The following MECOM variants were observed in gnomAD, a reference collection of about 807,000 sequenced individuals.
MECOM encodes the protein histone-lysine N-methyltransferase MECOM.
MECOM carries 13 observed loss-of-function variants against 116.3 expected under a neutral mutation model. That is an observed-to-expected ratio of 0.11 (90% CI 0.07 to 0.18). The LOEUF (loss-of-function observed/expected upper bound fraction) is 0.18. Ranked by LOEUF, MECOM falls within the 10% of genes least tolerant of loss-of-function variation. MECOM has a pLI of 1.00. For synonymous variants in MECOM, 528 were observed against 535.2 expected (o/e 0.99, Z 0.19); for missense variants, 1,299 against 1,509.0 (o/e 0.86, Z 2.31).
chr3:169,179,685 T>C (rs1489392552), intron 2 of MECOM, among the ~76,000 whole-genome samples: 2 of 152,208 alleles, frequency 1.3e-5, no homozygotes. Context: ...ACTTGGCACC[T>C]CTTACAAGCT....
At chr3:169,378,454 A>AAAGAAAGC (rs1731575921) in intron 2 of MECOM, among the ~76,000 whole-genome samples, 1 of 54,514 alleles carries the variant, frequency 1.8e-5, no homozygotes, top group South Asian at 4.8e-4. Context: ...AGAAAGAAGG[A>AAAGAAAGC]AAGCAAGCAA....
chr3:169,428,038 G>A (rs893890173), intron 1 of MECOM, among the ~76,000 whole-genome samples: 4 of 152,194 alleles, frequency 2.6e-5, no homozygotes, highest in African/African-American at 9.6e-5. Flanking sequence ...AAAAGGCCAT[G>A]TCCTGGTGGC....
At chr3:169,126,890 A>T (rs1460952910) in intron 5 of MECOM, among the ~76,000 whole-genome samples, 1 of 152,134 alleles carries the variant, frequency 6.6e-6, no homozygotes, top group East Asian at 1.9e-4. Context: ...CAAAGACAAA[A>T]TCTGAGTAAT....
chr3:169,583,316 G>A (rs1436568009), intron 1 of MECOM, among the ~76,000 whole-genome samples: 4 of 152,042 alleles, frequency 2.6e-5, no homozygotes, highest in African/African-American at 7.2e-5. Flanking sequence ...TATATCCCTC[G>A]ATAACACTGA....
At chr3:169,310,271 T>C (rs1171754988) in intron 2 of MECOM, among the ~76,000 whole-genome samples, 1 of 152,242 alleles carries the variant, frequency 6.6e-6, no homozygotes, top group African/African-American at 2.4e-5. Context: ...GCACCTATTA[T>C]ATGTGATTCA....
intron 2 of MECOM, among the ~76,000 whole-genome samples, chr3:169,360,705 C>A (rs1198580942): frequency 6.6e-6 from 1 of 151,736 alleles, no homozygotes; most frequent in African/African-American, 2.4e-5. Flanking sequence ...AGCAAATTCA[C>A]AGGATGGCCA....
intron 1 of MECOM, among the ~76,000 whole-genome samples, chr3:169,517,841 A>T (rs1220110472): frequency 2.6e-5 from 4 of 152,256 alleles, no homozygotes; most frequent in Non-Finnish European, 5.9e-5. Flanking sequence ...GAGTTCAAAA[A>T]AAGAGAGAAA....
At chr3:169,144,606 A>G (rs1013391640) in intron 2 of MECOM, among the ~76,000 whole-genome samples, 4 of 152,190 alleles carry the variant, frequency 2.6e-5, no homozygotes, top group Admixed American at 2.6e-4. Flanking sequence ...CTAAATGTTA[A>G]TCATTAGTTA....
chr3:169,523,803 C>T (rs1757633299), intron 1 of MECOM, among the ~76,000 whole-genome samples: 1 of 151,282 alleles, frequency 6.6e-6, no homozygotes, highest in Non-Finnish European at 1.5e-5. Context: ...TGAGACATAC[C>T]TTCTATTATA....
At chr3:169,658,409 T>C (rs1775797526) in intron 1 of MECOM, among the ~76,000 whole-genome samples, 2 of 152,312 alleles carry the variant, frequency 1.3e-5, no homozygotes, top group South Asian at 2.1e-4. Flanking sequence ...GTGCCTGCCC[T>C]CCGCGCAAGA....
intron 2 of MECOM, among the ~76,000 whole-genome samples, chr3:169,316,273 A>C (rs893576118): frequency 6.6e-6 from 1 of 152,254 alleles, no homozygotes; most frequent in African/African-American, 2.4e-5. Flanking sequence ...ACGCAGAAGA[A>C]TTAAAACACC....
intron 1 of MECOM, among the ~76,000 whole-genome samples, chr3:169,476,406 C>T (rs1371341562): frequency 6.6e-6 from 1 of 152,100 alleles, no homozygotes; most frequent in East Asian, 1.9e-4. Flanking sequence ...CCAGTTAGCC[C>T]ATTACATTTT....
chr3:169,217,799 T>C (rs1751597329), intron 2 of MECOM, among the ~76,000 whole-genome samples: 1 of 150,122 alleles, frequency 6.7e-6, no homozygotes, highest in African/African-American at 2.4e-5. Flanking sequence ...ACTATATATA[T>C]ATTTATTTTA....
intron 1 of MECOM, among the ~76,000 whole-genome samples, chr3:169,525,856 C>T (rs956749080): frequency 6.6e-6 from 1 of 152,008 alleles, no homozygotes; most frequent in African/African-American, 2.4e-5. Context: ...TGGCAAAACC[C>T]CATCTCTACT....
At chr3:169,431,222 G>T (rs961602532) in intron 1 of MECOM, among the ~76,000 whole-genome samples, 7 of 152,166 alleles carry the variant, frequency 4.6e-5, no homozygotes, top group Admixed American at 4.6e-4. Context: ...GTCATTAGCT[G>T]GTGGGGAAAT....
chr3:169,272,205 CT>C (rs1759034410), intron 2 of MECOM, among the ~76,000 whole-genome samples: 1 of 152,326 alleles, frequency 6.6e-6, no homozygotes, highest in Admixed American at 6.5e-5. Context: ...GCAAAGGAGT[CT>C]CTCCTGAGAC....
At chr3:169,141,753 T>C (rs554534803) in intron 3 of MECOM, among the ~76,000 whole-genome samples, 1 of 152,018 alleles carries the variant, frequency 6.6e-6, no homozygotes, top group African/African-American at 2.4e-5. Flanking sequence ...AATCTGACTT[T>C]TACCTCTGAC....
intron 2 of MECOM, among the ~76,000 whole-genome samples, chr3:169,236,744 C>A (rs1261967432): frequency 2.0e-5 from 3 of 152,148 alleles, no homozygotes; most frequent in Non-Finnish European, 2.9e-5. Flanking sequence ...GAATAAGTAA[C>A]ATATATTTAT....
chr3:169,115,741 G>A lies in MECOM; in HGVS notation c.2131C>T (p.Pro711Ser). The change falls in exon 8 of 17, where the codon CCT (proline) becomes TCT (serine). Residue 711 changes from proline to serine, a missense_variant. Coordinates refer to ENST00000651503, the MANE Select transcript of MECOM (RefSeq NM_004991.4). ...GGTAACGATCTCAAGTCTCTATCAG[G>A]AAATGGGTACATTGATTGAGAGAAT... ...PAFSQSMYPF[P>S]DRDLRSLPLK... is the part of the protein sequence containing the mutation. The A allele has an allele frequency of 1.2e-6, 2 of 1,614,180 alleles. No homozygotes were observed. The highest frequency in any genetic ancestry group is 1.7e-6 in the Non-Finnish European group (2 of 1,180,030).
Sources: gnomAD v4.1 joint callset for allele counts (sites outside exome capture counted in the v4.1 genomes callset) on GRCh38, gnomAD v4.1.1 for gene constraint, MANE v1.5 for transcripts, NCBI Gene and HGNC (gene_info 2026-07-23, HGNC 2026-07-21) for gene names.